The following PRKCE variants were observed in gnomAD, a reference collection of about 807,000 sequenced individuals.
PRKCE encodes protein kinase C epsilon type.
A neutral mutation model predicts 85.4 loss-of-function variants in PRKCE; 16 were observed. The observed-to-expected ratio is 0.19, with a 90% CI of 0.13 to 0.28. The LOEUF is 0.28. PRKCE is among the 10% of genes least tolerant of loss of function. PRKCE has a pLI of 1.00. For synonymous variants in PRKCE, 388 were observed against 371.5 expected, an observed-to-expected ratio of 1.04 and a Z score of -0.51; for missense variants, 573 against 975.2, an observed-to-expected ratio of 0.59 and a Z score of 5.49.
rs59991455 is a variant in PRKCE at position 45,933,464 on chromosome 2, C to CTTTTTTT, written c.413-42944_413-42938dup. On this transcript the variant is annotated intron_variant, in intron 2 of 14. Coordinates refer to ENST00000306156, the MANE Select transcript of PRKCE (RefSeq NM_005400.3). ...TTTTACCTTTCACCTCATATGCCTG[C>CTTTTTTT]TTTTTTTTTTTTTTTTTTTTTTTTT... Among the ~76,000 whole-genome samples, 14 of 65,360 alleles carry CTTTTTTT rather than the reference C, an allele frequency of 2.1e-4. 3 individuals are homozygous for CTTTTTTT. The highest frequency in any genetic ancestry group is 3.4e-4 in the Admixed American group (2 of 5,846). The allele number at this position is 65,360 out of a possible 152,430, so 42.9% of individuals were successfully genotyped here. A position where few individuals can be genotyped will look rare whatever the true frequency, so the allele number is the denominator to read the frequency against.
At chr2:45,831,816 T>C (rs533311711) in intron 1 of PRKCE, among the ~76,000 whole-genome samples, 12 of 152,306 alleles carry the variant, frequency 7.9e-5, no homozygotes, top group Admixed American at 5.2e-4. Context: ...CAAGCAGACA[T>C]GTAGCTTTTG....
chr2:46,169,900 A>G (rs144463563), intron 14 of PRKCE, among the ~76,000 whole-genome samples: 2 of 152,308 alleles, frequency 1.3e-5, no homozygotes, highest in East Asian at 1.9e-4. Flanking sequence ...AGTGTTAGAC[A>G]GAACTGGGTG....
chr2:45,787,455 G>C (rs1686697923), intron 1 of PRKCE, among the ~76,000 whole-genome samples: 1 of 152,142 alleles, frequency 6.6e-6, no homozygotes, highest in South Asian at 2.1e-4. Flanking sequence ...CCACAGAATG[G>C]GACTGAGCCT....
At chr2:45,835,024 C>G (rs1690740887) in intron 1 of PRKCE, among the ~76,000 whole-genome samples, 1 of 152,204 alleles carries the variant, frequency 6.6e-6, no homozygotes, top group South Asian at 2.1e-4. Flanking sequence ...GGTGGCTCAG[C>G]TGTGTGCCTG....
chr2:46,187,017 C>G lies in PRKCE; in HGVS notation c.*2136C>G, dbSNP rs1396208948. On this transcript the variant is annotated 3_prime_UTR_variant, in exon 15 of 15. Transcript: ENST00000306156. The stretch of plus-strand genomic sequence containing the variant: ...ACTTGACATTCTGGAGAGAGACTAT[C>G]TTCTGGAGTTGAGTACAAGCACAGA... The G allele has an allele frequency of 6.6e-6, 1 of 152,402 alleles. No homozygotes were observed. Among genetic ancestry groups the G allele is most frequent in the Non-Finnish European group, 1.5e-5 (1 of 68,002 alleles). The allele number at this position is 152,402 out of a possible 1,614,324, so 9.4% of individuals were successfully genotyped here.
intron 1 of PRKCE, among the ~76,000 whole-genome samples, chr2:45,757,164 A>G (rs1684071569): frequency 6.6e-6 from 1 of 151,896 alleles, no homozygotes; most frequent in Non-Finnish European, 1.5e-5. Context: ...AGACACCTAT[A>G]GAGACAGGTG....
chr2:45,701,018 A>G (rs1319253033), intron 1 of PRKCE, among the ~76,000 whole-genome samples: 1 of 152,216 alleles, frequency 6.6e-6, no homozygotes, highest in Non-Finnish European at 1.5e-5. Flanking sequence ...TCTGACCTTA[A>G]CAACTTGGAA....
At chr2:46,073,407 G>T (rs1668246366) in intron 10 of PRKCE, 2 of 151,978 alleles carry the variant, frequency 1.3e-5, no homozygotes, top group African/African-American at 4.8e-5. Flanking sequence ...TCTTCAGTTT[G>T]TCCTTTGTCT....
intron 1 of PRKCE, among the ~76,000 whole-genome samples, chr2:45,666,722 T>C (rs372024075): frequency 1.3e-4 from 20 of 152,254 alleles, no homozygotes; most frequent in East Asian, 1.2e-3. Context: ...GTGTTGATGC[T>C]TTCTCTCTTT....
chr2:45,652,373 C>T lies in PRKCE; in HGVS notation c.273C>T (p.Tyr91=), dbSNP rs201339827. The T allele has an allele frequency of 6.2e-7, 1 of 1,613,338 alleles. No homozygotes were observed. The highest frequency in any genetic ancestry group is 2.2e-5 in the East Asian group (1 of 44,844). ...LAVFHDAPIG[Y]DDFVANCTIQ... is the part of the protein sequence containing the mutation. ...TCTTTCACGATGCCCCCATAGGCTA[C>T]GACGACTTCGTGGCCAACTGCACCA... The change falls in exon 1 of 15, where the codon TAC becomes TAT. Residue 91 remains tyrosine (Y), a synonymous_variant. Coordinates refer to ENST00000306156, the MANE Select transcript of PRKCE (RefSeq NM_005400.3). This position sits in a 1 kb window ranked among gnomAD's most constrained non-coding sequence, Gnocchi z 7.7.
At chr2:45,654,204 A>G (rs1675276442) in intron 1 of PRKCE, among the ~76,000 whole-genome samples, 1 of 152,242 alleles carries the variant, frequency 6.6e-6, no homozygotes, top group Admixed American at 6.5e-5. Context: ...ATTTATCCAT[A>G]GAACAGATGT....
rs147934825 is a variant in PRKCE, at chr2:45,921,858, T to C, written c.413-54571T>C. Among the ~76,000 whole-genome samples the C allele has an allele frequency of 1.2e-3, 190 of 152,280 alleles. 2 individuals are homozygous for C. The highest frequency in any genetic ancestry group is 0.01 in the Middle Eastern group (3 of 294). On this transcript the variant is annotated intron_variant, in intron 2 of 14. Coordinates refer to ENST00000306156, the MANE Select transcript of PRKCE (RefSeq NM_005400.3). ...GTTTACTGCTTTAGAATGAATTAAG[T>C]TGGATGGATAATAAATGGAGGCAGT...
chr2:46,055,292 G>A (rs555158810), intron 10 of PRKCE, among the ~76,000 whole-genome samples: 2 of 152,340 alleles, frequency 1.3e-5, no homozygotes, highest in South Asian at 4.1e-4. Context: ...TGCTCGCCCT[G>A]GCTCCTGCAC....
chr2:45,652,130 C>A lies in PRKCE; in HGVS notation c.30C>A (p.Ile10=), dbSNP rs1675154602. 6.5e-7 allele frequency: 1 copy of A among 1,548,140 alleles called. No individual in the cohort carries two copies. Among genetic ancestry groups the A allele is most frequent in the Admixed American group, 1.8e-5 (1 of 56,982 alleles). MVVFNGLLK[I]KICEAVSLKP... The stretch of plus-strand genomic sequence containing the variant: ...TAGTGTTCAATGGCCTTCTTAAGAT[C>A]AAAATCTGCGAGGCCGTGAGCTTGA... The change falls in exon 1 of 15, where the codon ATC becomes ATA. Residue 10 remains isoleucine, a synonymous_variant. Transcript: ENST00000306156. The surrounding 1 kb of genome is among the most constrained non-coding windows in gnomAD (Gnocchi z 7.7).
chr2:45,926,484 A>G (rs1698628540), intron 2 of PRKCE, among the ~76,000 whole-genome samples: 1 of 151,996 alleles, frequency 6.6e-6, no homozygotes, highest in South Asian at 2.1e-4. Flanking sequence ...GGTGATAAAG[A>G]GGAGGGGATG....
chr2:45,696,979 AG>A lies in PRKCE; in HGVS notation c.348+44533del, dbSNP rs369342935. On this transcript the variant is annotated intron_variant, in intron 1 of 14. Transcript: ENST00000306156. ...CCACACCCCACTTCCTTTTTATTCC[AG>A]GTCTTCTTTCCCCCTTGGCTTTTGT... Among the ~76,000 whole-genome samples, 401 of 152,188 alleles carry A rather than the reference AG, an allele frequency of 2.6e-3. 1 individual carries two copies. The highest frequency in any genetic ancestry group is 0.023 in the East Asian group (120 of 5,178).
chr2:46,033,473 A>G (rs556106240), intron 10 of PRKCE, among the ~76,000 whole-genome samples: 4 of 152,280 alleles, frequency 2.6e-5, no homozygotes, highest in African/African-American at 7.2e-5. Flanking sequence ...GAGCCGGTTA[A>G]TTGGCAAATT....
chr2:46,115,774 G>A lies in PRKCE; in HGVS notation c.1593-29319G>A, dbSNP rs757377981. On this transcript the variant is annotated intron_variant, in intron 11 of 14. Transcript: ENST00000306156. ...GAACCAGACACAGGCTGCTTTCCCC[G>A]TTTGTAATTAGCACCCCATCACAGA... 1.4e-4 allele frequency among the ~76,000 whole-genome samples: 22 copies of A among 152,288 alleles called. 2 individuals carry two copies. The Middle Eastern group carries it at 0.02, about 141-fold the overall frequency.
chr2:45,743,720 A>G (rs750565164), intron 1 of PRKCE, among the ~76,000 whole-genome samples: 1 of 152,138 alleles, frequency 6.6e-6, no homozygotes, highest in African/African-American at 2.4e-5. Flanking sequence ...ACCTTGCCCT[A>G]AGCAGGAGGT....
Sources: allele counts gnomAD v4.1 joint callset (sites outside exome capture counted in the v4.1 genomes callset), GRCh38; gene constraint gnomAD v4.1.1; non-coding constraint Gnocchi (gnomAD v3.1); transcripts MANE v1.5; gene names NCBI Gene and HGNC (gene_info 2026-07-23, HGNC 2026-07-21).